NF2: variants seen among roughly 807,000 people sequenced by gnomAD.
The protein encoded by NF2 is merlin.
Under a neutral mutation model 83.7 loss-of-function variants are expected in NF2, and 8 were observed. That is an observed-to-expected ratio of 0.10 (90% CI 0.06 to 0.17). NF2 has a LOEUF of 0.17. NF2 is among the 10% of genes least tolerant of loss of function. The probability of loss-of-function intolerance (pLI) is 1.00; values close to 1 mark genes in which losing one functional copy is unlikely to be tolerated. For missense variants in NF2, 533 were observed against 744.4 expected (o/e 0.72, Z 3.31); for synonymous variants, 266 against 269.6 (o/e 0.99, Z 0.13).
intron 15 of NF2, among the ~76,000 whole-genome samples, chr22:29,686,820 G>A (rs985175083): frequency 1.3e-5 from 2 of 151,992 alleles, no homozygotes; most frequent in African/African-American, 4.8e-5. Context: ...CAGTGCTAGC[G>A]ATCAAAAGCC....
chr22:29,606,522 C>T (rs2064802099), intron 1 of NF2, among the ~76,000 whole-genome samples: 1 of 152,196 alleles, frequency 6.6e-6, no homozygotes, highest in East Asian at 1.9e-4. Context: ...GAAGCAGGCC[C>T]TAAAACAGAT....
chr22:29,636,679 G>A lies in NF2; in HGVS notation c.115-72G>A, dbSNP rs2146850088. 3 of 1,602,554 alleles carry A rather than the reference G, an allele frequency of 1.9e-6. No homozygotes were observed. Among genetic ancestry groups the A allele is most frequent in the Non-Finnish European group, 2.6e-6 (3 of 1,169,860 alleles). ...CCCCACGTTTTGGAACCTGAGAGTGGAGAGTGCAGAGAAAAGGTTTTATTA... is the reference window on the plus strand; with the variant it reads ...CCCCACGTTTTGGAACCTGAGAGTGAAGAGTGCAGAGAAAAGGTTTTATTA... On this transcript the variant is annotated intron_variant, in intron 1 of 15. Transcript: ENST00000338641. This position sits in a 1 kb window ranked among gnomAD's most constrained non-coding sequence, Gnocchi z 4.4.
intron 1 of NF2, among the ~76,000 whole-genome samples, chr22:29,608,041 C>G (rs2064845348): frequency 6.6e-6 from 1 of 150,946 alleles, no homozygotes; most frequent in African/African-American, 2.4e-5. Flanking sequence ...GGCGTGGTGG[C>G]CGGCACCTGT....
chr22:29,638,262 G>A (rs1278157462), intron 2 of NF2, among the ~76,000 whole-genome samples: 2 of 152,210 alleles, frequency 1.3e-5, no homozygotes, highest in African/African-American at 2.4e-5. Context: ...TGAAACAAAG[G>A]GTTGCCATGA....
rs748043566 is a variant in NF2, at chr22:29,603,982, G to A, written c.-17G>A. 1.3e-6 allele frequency: 2 copies of A among 1,556,344 alleles called. No individual in the cohort carries two copies. Among genetic ancestry groups the A allele is most frequent in the Non-Finnish European group, 8.7e-7 (1 of 1,147,856 alleles). On this transcript the variant is annotated 5_prime_UTR_variant, in exon 1 of 16. Transcript: ENST00000338641. ...CAGGCCGTGGGGCGCGAGGGTCCCG[G>A]GCCTGAGCCCCGCGCCATGGCCGGG...
rs574250609 is a variant in NF2, at chr22:29,664,867, C to T, written c.811-123C>T. On this transcript the variant is annotated intron_variant, in intron 8 of 15. Coordinates refer to ENST00000338641, the MANE Select transcript of NF2 (RefSeq NM_000268.4). ...GGTTTAGTGCCTGGATACTGGGAAGCCAGGACAAGGCATAACTTCATGCTG... is the reference window on the plus strand; with the variant it reads ...GGTTTAGTGCCTGGATACTGGGAAGTCAGGACAAGGCATAACTTCATGCTG... The T allele has an allele frequency of 2.9e-5, 22 of 762,532 alleles. No individual in the cohort carries two copies. The South Asian group carries it at 3.1e-4, about 11-fold the overall frequency. 47.2% of individuals were successfully genotyped at this position (762,532 alleles called of 1,614,324 possible).
chr22:29,654,034 G>A (rs180827237), intron 4 of NF2, among the ~76,000 whole-genome samples: 6 of 151,914 alleles, frequency 3.9e-5, no homozygotes, highest in East Asian at 3.9e-4. Flanking sequence ...CATTGTCCCC[G>A]GAGGGATAAA....
chr22:29,613,851 C>T (rs2065016605), intron 1 of NF2, among the ~76,000 whole-genome samples: 1 of 151,512 alleles, frequency 6.6e-6, no homozygotes, highest in Admixed American at 6.6e-5. Flanking sequence ...CCTCCGCCTC[C>T]TGGGTTCAAG....
chr22:29,627,531 A>G (rs1194753157), intron 1 of NF2, among the ~76,000 whole-genome samples: 1 of 152,034 alleles, frequency 6.6e-6, no homozygotes, highest in Non-Finnish European at 1.5e-5. Flanking sequence ...CTCATAAGAG[A>G]TTTACAAATG....
intron 11 of NF2, among the ~76,000 whole-genome samples, chr22:29,672,767 C>A (rs919867201): frequency 4.0e-5 from 6 of 148,930 alleles, no homozygotes; most frequent in African/African-American, 1.5e-4. Context: ...AGGTGCGCGC[C>A]AACACATCCA....
rs2067490027 is a variant in NF2 at position 29,694,472 on chromosome 22, T to A, written c.1738-280T>A. Among the ~76,000 whole-genome samples the A allele has an allele frequency of 6.6e-6, 1 of 152,220 alleles. No individual in the cohort carries two copies. The highest frequency in any genetic ancestry group is 2.4e-5 in the African/African-American group (1 of 41,454). ...TATTAAAATAGGCAGGGATCTCCGGTCCTCTGTCAAGAGGCAATGCTGACG... is the reference window on the plus strand; with the variant it reads ...TATTAAAATAGGCAGGGATCTCCGGACCTCTGTCAAGAGGCAATGCTGACG... On this transcript the variant is annotated intron_variant, in intron 15 of 15. Coordinates refer to ENST00000338641, the MANE Select transcript of NF2 (RefSeq NM_000268.4). The surrounding 1 kb of genome is among the most constrained non-coding windows in gnomAD (Gnocchi z 4.1).
chr22:29,679,615 C>T lies in NF2; in HGVS notation c.1574+1292C>T, dbSNP rs902936946. Among the ~76,000 whole-genome samples the T allele has an allele frequency of 3.3e-5, 5 of 152,136 alleles. No homozygotes were observed. In the East Asian group the frequency reaches 9.6e-4, roughly 29 times the overall value. ...GGCACAGTGGCTCATGCCTGTAATT[C>T]CAGCACTTTGGGAGTCCAAGGGGGG... On this transcript the variant is annotated intron_variant, in intron 14 of 15. Coordinates refer to ENST00000338641, the MANE Select transcript of NF2 (RefSeq NM_000268.4).
At chr22:29,686,118 C>T (rs1346865521) in intron 15 of NF2, among the ~76,000 whole-genome samples, 1 of 152,172 alleles carries the variant, frequency 6.6e-6, no homozygotes, top group Non-Finnish European at 1.5e-5. Flanking sequence ...TCTTTGCCCC[C>T]AGGAGTGTTG....
At chr22:29,658,911 C>G (rs988625531) in intron 7 of NF2, among the ~76,000 whole-genome samples, 4 of 152,250 alleles carry the variant, frequency 2.6e-5, no homozygotes, top group South Asian at 2.1e-4. Flanking sequence ...ACTACGGACT[C>G]CAAACTGCAG....
At chr22:29,650,207 T>G (rs1257354001) in intron 4 of NF2, among the ~76,000 whole-genome samples, 1 of 152,140 alleles carries the variant, frequency 6.6e-6, no homozygotes, top group Non-Finnish European at 1.5e-5. Flanking sequence ...AATGTAAATT[T>G]TATGTATATA....
At chr22:29,613,535 A>C (rs1601535221) in intron 1 of NF2, among the ~76,000 whole-genome samples, 1 of 152,142 alleles carries the variant, frequency 6.6e-6, no homozygotes, top group African/African-American at 2.4e-5. Flanking sequence ...CATTTCAAAA[A>C]AATAAAAATA....
rs1196216748 is a variant in NF2 at position 29,603,835 on chromosome 22, G to A, written c.-164G>A. Reference sequence around the variant, plus strand: ...CCCTTTCCGCTCAGGCAGGGTCCTCGCGGCCCATGCTGGCCGCTGGGGACC... The same window carrying A: ...CCCTTTCCGCTCAGGCAGGGTCCTCACGGCCCATGCTGGCCGCTGGGGACC... On this transcript the variant is annotated 5_prime_UTR_variant, in exon 1 of 16. Coordinates refer to ENST00000338641, the MANE Select transcript of NF2 (RefSeq NM_000268.4). 7.2e-5 allele frequency: 43 copies of A among 593,340 alleles called. No homozygotes were observed. Among genetic ancestry groups the A allele is most frequent in the African/African-American group, 1.9e-5 (1 of 52,386 alleles). The allele number at this position is 593,340 out of a possible 1,614,324, so 36.8% of individuals were successfully genotyped here. A position where few individuals can be genotyped will look rare whatever the true frequency, so the allele number is the denominator to read the frequency against.
intron 8 of NF2, among the ~76,000 whole-genome samples, chr22:29,662,553 A>G (rs976544141): frequency 3.3e-5 from 5 of 152,254 alleles, no homozygotes; most frequent in African/African-American, 1.2e-4. Flanking sequence ...ACCTGCTATA[A>G]TAAATAAGTG....
At chr22:29,661,716 AG>A (rs2066483225) in intron 8 of NF2, among the ~76,000 whole-genome samples, 1 of 152,216 alleles carries the variant, frequency 6.6e-6, no homozygotes, top group Non-Finnish European at 1.5e-5. Flanking sequence ...CCTGGGCTCA[AG>A]CAATCCTTCC....
Sources: gnomAD v4.1 joint callset for allele counts (sites outside exome capture counted in the v4.1 genomes callset) on GRCh38, gnomAD v4.1.1 for gene constraint, Gnocchi (gnomAD v3.1) non-coding constraint, MANE v1.5 for transcripts, NCBI Gene and HGNC (gene_info 2026-07-23, HGNC 2026-07-21) for gene names.